The following TANC2 variants were observed in gnomAD, a reference collection of about 807,000 sequenced individuals.
The protein encoded by TANC2 is protein TANC2.
Under a neutral mutation model 210.5 loss-of-function variants are expected in TANC2, and 26 were observed. The ratio of observed to expected loss-of-function variants is 0.12; its 90% confidence interval spans 0.09 to 0.17. The LOEUF is 0.17. Ranked by LOEUF, TANC2 falls within the 10% of genes least tolerant of loss-of-function variation. The pLI, the probability that TANC2 is intolerant of heterozygous loss-of-function variation, is 1.00. For missense variants in TANC2, 2,129 were observed against 2,608.9 expected (o/e 0.82, Z 4.01); for synonymous variants, 931 against 967.1 (o/e 0.96, Z 0.69).
At chr17:63,405,342 T>G (rs775278179) in intron 20 of TANC2, 87 bp downstream of exon 20, 39 of 1,405,798 alleles carry the variant, frequency 2.8e-5, no homozygotes, top group African/African-American at 4.3e-5. Flanking sequence ...TGATCACAAG[T>G]AAAGTTTGGG....
Position 63,340,337 on chromosome 17 carries a change from A to G in TANC2, c.1807+5A>G. The stretch of plus-strand genomic sequence containing the variant: ...CACTAGAAAATCTCCATAAAGGTAC[A>G]GATAAGGCCCAAAGGAGGGGAAAGA... On this transcript the variant is annotated splice_donor_5th_base_variant and intron_variant, in intron 12 of 27. Coordinates refer to ENST00000689528, the Ensembl canonical transcript of TANC2. The G allele has an allele frequency of 6.2e-7, 1 of 1,612,584 alleles. No homozygotes were observed. The highest frequency in any genetic ancestry group is 1.1e-5 in the South Asian group (1 of 91,016).
intron 3 of TANC2, among the ~76,000 whole-genome samples, chr17:63,074,960 C>G (rs1424588835): frequency 6.6e-6 from 1 of 152,078 alleles, no homozygotes; most frequent in East Asian, 1.9e-4. Context: ...AATCGTGTCC[C>G]TCTTTTTCTC....
At chr17:63,352,140 G>A (rs2046630343) in intron 13 of TANC2, among the ~76,000 whole-genome samples, 1 of 151,984 alleles carries the variant, frequency 6.6e-6, no homozygotes, top group African/African-American at 2.4e-5. Context: ...ACTTGGTTTG[G>A]AACAATGTTT....
At chr17:63,082,789 G>T (rs979618571) in intron 3 of TANC2, among the ~76,000 whole-genome samples, 1 of 152,094 alleles carries the variant, frequency 6.6e-6, no homozygotes, top group African/African-American at 2.4e-5. Flanking sequence ...AGAGTGGCTG[G>T]TTAGGCCATT....
chr17:63,223,433 G>A (rs1023194660), intron 7 of TANC2, among the ~76,000 whole-genome samples: 6 of 152,296 alleles, frequency 3.9e-5, no homozygotes, highest in Admixed American at 2.6e-4. Context: ...GTACAGCAAA[G>A]TGGCTGCTCC....
chr17:63,327,308 G>A (rs1387948353), intron 11 of TANC2, among the ~76,000 whole-genome samples: 1 of 152,326 alleles, frequency 6.6e-6, no homozygotes, highest in Admixed American at 6.5e-5. Context: ...ATGGAAAACA[G>A]CATGGAGGTT....
At chr17:63,089,038 T>C (rs1364275109) in intron 3 of TANC2, 2 of 152,220 alleles carry the variant, frequency 1.3e-5, no homozygotes, top group Non-Finnish European at 2.9e-5. Context: ...GACATACTAT[T>C]GAAAAGCTGA....
rs529912657 is a variant in TANC2, at chr17:63,164,129, CTT to C, written c.433+12767_433+12768del. 4.1e-3 allele frequency among the ~76,000 whole-genome samples: 518 copies of C among 126,780 alleles called. 3 individuals carry two copies. The highest frequency in any genetic ancestry group is 0.013 in the African/African-American group (446 of 34,612). 83.2% of individuals were successfully genotyped at this position (126,780 alleles called of 152,430 possible). ...CAAATCTTAGCTGCAGCATCAGCAG[CTT>C]TTTTTTTTTTTTTTTTTGTAAGAGA... On this transcript the variant is annotated intron_variant, in intron 5 of 27. Transcript: ENST00000689528.
intron 14 of TANC2, among the ~76,000 whole-genome samples, chr17:63,356,321 G>A (rs997491210): frequency 3.3e-5 from 5 of 152,094 alleles, no homozygotes; most frequent in Admixed American, 1.3e-4. Context: ...TTCAAAAGCC[G>A]GGTACATTAC....
At chr17:63,086,044 A>C (rs1406457914) in intron 3 of TANC2, among the ~76,000 whole-genome samples, 1 of 151,348 alleles carries the variant, frequency 6.6e-6, no homozygotes, top group Non-Finnish European at 1.5e-5. Flanking sequence ...TTTTTTAACC[A>C]CTTTATTTCA....
At chr17:63,321,177 A>C (rs926144622) in intron 11 of TANC2, among the ~76,000 whole-genome samples, 4 of 152,078 alleles carry the variant, frequency 2.6e-5, no homozygotes, top group Non-Finnish European at 5.9e-5. Context: ...TAGCCTGGGC[A>C]ACAGAGTGAG....
intron 2 of TANC2, among the ~76,000 whole-genome samples, chr17:63,018,505 TA>T (rs2034210200): frequency 1.3e-5 from 2 of 150,088 alleles, no homozygotes; most frequent in African/African-American, 4.9e-5. Context: ...AATAAATAAA[TA>T]AAATAAACAA....
At chr17:63,085,811 A>T (rs771504711) in intron 3 of TANC2, among the ~76,000 whole-genome samples, 1 of 152,170 alleles carries the variant, frequency 6.6e-6, no homozygotes, top group Non-Finnish European at 1.5e-5. Context: ...AGAATTTTTT[A>T]AAAAGTCTTT....
intron 14 of TANC2, among the ~76,000 whole-genome samples, chr17:63,373,261 C>G (rs2047325704): frequency 6.6e-6 from 1 of 152,136 alleles, no homozygotes; most frequent in African/African-American, 2.4e-5. Flanking sequence ...ACATACCACG[C>G]TTCCTAGAGC....
chr17:63,069,128 A>C (rs947165534), intron 2 of TANC2, among the ~76,000 whole-genome samples: 2 of 152,114 alleles, frequency 1.3e-5, no homozygotes, highest in African/African-American at 4.8e-5. Flanking sequence ...AGTGTGAGTT[A>C]TATTTTTCAC....
intron 5 of TANC2, among the ~76,000 whole-genome samples, chr17:63,177,139 C>T (rs767984445): frequency 3.3e-5 from 5 of 151,518 alleles, no homozygotes; most frequent in Non-Finnish European, 5.9e-5. Flanking sequence ...GTGGCACACA[C>T]CTGTAGTCCC....
intron 5 of TANC2, among the ~76,000 whole-genome samples, chr17:63,165,009 C>A (rs1456299445): frequency 6.6e-6 from 1 of 152,124 alleles, no homozygotes; most frequent in Non-Finnish European, 1.5e-5. Flanking sequence ...TGGCCAGGTG[C>A]AATGGCTCAC....
At chr17:63,002,365 T>C (rs2033425001) in intron 1 of TANC2, among the ~76,000 whole-genome samples, 1 of 152,236 alleles carries the variant, frequency 6.6e-6, no homozygotes, top group African/African-American at 2.4e-5. Flanking sequence ...AGTTATCGCA[T>C]GTATATCCAC....
intron 9 of TANC2, among the ~76,000 whole-genome samples, chr17:63,303,613 C>CT (rs1380276036): frequency 1.3e-5 from 2 of 152,046 alleles, no homozygotes; most frequent in East Asian, 3.9e-4. Flanking sequence ...CTGGGGTTCT[C>CT]TGTATTTCTT....
Sources: allele counts gnomAD v4.1 joint callset (sites outside exome capture counted in the v4.1 genomes callset), GRCh38; gene constraint gnomAD v4.1.1; transcripts MANE v1.5; gene names NCBI Gene and HGNC (gene_info 2026-07-23, HGNC 2026-07-21).